The following NCK1 variants were observed in gnomAD, a reference collection of about 807,000 sequenced individuals.
The protein encoded by NCK1 is SH2/SH3 adapter protein NCK1.
A neutral mutation model predicts 36.6 loss-of-function variants in NCK1; 19 were observed. The observed-to-expected ratio is 0.52, with a 90% CI of 0.36 to 0.76. The LOEUF (loss-of-function observed/expected upper bound fraction) is 0.76. NCK1 is among the 30% of genes least tolerant of loss of function. The pLI is 0.00. For missense variants in NCK1, 358 were observed against 445.6 expected (o/e 0.80, Z 1.77); for synonymous variants, 165 against 156.0 (o/e 1.06, Z -0.43).
At chr3:136,915,616 A>G (rs1373368777) in intron 1 of NCK1, among the ~76,000 whole-genome samples, 1 of 152,178 alleles carries the variant, frequency 6.6e-6, no homozygotes, top group African/African-American at 2.4e-5. Context: ...GAGACTGGGT[A>G]ATTTATAAAG....
chr3:136,864,017 C>T (rs1319000850), intron 1 of NCK1, among the ~76,000 whole-genome samples: 1 of 151,974 alleles, frequency 6.6e-6, no homozygotes, highest in Non-Finnish European at 1.5e-5. Context: ...AGGAGAATGG[C>T]GTGAACCCGG....
intron 2 of NCK1, chr3:136,930,707 C>T: frequency 1.2e-6 from 1 of 859,646 alleles, no homozygotes; most frequent in Non-Finnish European, 1.6e-6. Context: ...TAAGCTACTA[C>T]ATTATGTGTA....
chr3:136,884,807 G>A (rs367731700), intron 1 of NCK1, among the ~76,000 whole-genome samples: 7 of 150,616 alleles, frequency 4.6e-5, no homozygotes, highest in Non-Finnish European at 8.8e-5. Flanking sequence ...TGCAACCTCT[G>A]CCTCTTGAGT....
chr3:136,933,191 G>C (rs1287919748), intron 2 of NCK1, among the ~76,000 whole-genome samples: 1 of 152,190 alleles, frequency 6.6e-6, no homozygotes, highest in Non-Finnish European at 1.5e-5. Context: ...ACATTGATTC[G>C]AGTCTGAGAG....
chr3:136,925,713 C>T (rs908917889), intron 1 of NCK1, among the ~76,000 whole-genome samples: 2 of 152,048 alleles, frequency 1.3e-5, no homozygotes, highest in Admixed American at 1.3e-4. Flanking sequence ...TTGGTATGAA[C>T]GTACCAGTTT....
intron 1 of NCK1, among the ~76,000 whole-genome samples, chr3:136,894,477 G>A (rs755613442): frequency 3.9e-5 from 6 of 152,118 alleles, no homozygotes; most frequent in Non-Finnish European, 8.8e-5. Flanking sequence ...TTTGTTAGCC[G>A]GACAGTTTCT....
intron 1 of NCK1, among the ~76,000 whole-genome samples, chr3:136,923,500 AGCCAGG>A (rs1413919519): frequency 6.6e-6 from 1 of 152,028 alleles, no homozygotes; most frequent in African/African-American, 2.4e-5. Flanking sequence ...GGTTGCAGTG[AGCCAGG>A]GTCGCTCCAC....
chr3:136,937,023 A>T (rs1234046452), intron 2 of NCK1, among the ~76,000 whole-genome samples: 1 of 152,160 alleles, frequency 6.6e-6, no homozygotes, highest in East Asian at 1.9e-4. Context: ...TTTTAGTGTC[A>T]GTATCTAAGA....
intron 2 of NCK1, among the ~76,000 whole-genome samples, chr3:136,936,121 A>G (rs1178338467): frequency 6.6e-6 from 1 of 150,482 alleles, no homozygotes; most frequent in Non-Finnish European, 1.5e-5. Context: ...GCTCACTGCA[A>G]CCTCTGCCTC....
chr3:136,893,871 T>C (rs1164725923), intron 1 of NCK1, among the ~76,000 whole-genome samples: 1 of 152,192 alleles, frequency 6.6e-6, no homozygotes, highest in Non-Finnish European at 1.5e-5. Context: ...CTACCTATTC[T>C]AGATTTCCTT....
At chr3:136,916,706 A>G (rs1396130079) in intron 1 of NCK1, among the ~76,000 whole-genome samples, 1 of 152,250 alleles carries the variant, frequency 6.6e-6, no homozygotes, top group Non-Finnish European at 1.5e-5. Context: ...GGTAAGGATC[A>G]GAATGAGGGT....
At chr3:136,943,824 G>C (rs747576826) in intron 2 of NCK1, among the ~76,000 whole-genome samples, 30 of 152,132 alleles carry the variant, frequency 2.0e-4, no homozygotes, top group Non-Finnish European at 3.8e-4. Context: ...AGGTAAACAA[G>C]AATATGTAAA....
chr3:136,900,797 A>C (rs1369805245), intron 1 of NCK1, among the ~76,000 whole-genome samples: 1 of 152,150 alleles, frequency 6.6e-6, no homozygotes, highest in Non-Finnish European at 1.5e-5. Flanking sequence ...TATTTAGCAG[A>C]ACTAAGTTTT....
At position 136,870,028 on chromosome 3, in the gene NCK1, G is replaced by GTT. The variant is rs749807329; in HGVS notation, c.-19+7696_-19+7697dup. On this transcript the variant is annotated intron_variant, in intron 1 of 3. Coordinates refer to ENST00000481752, the MANE Select transcript of NCK1 (RefSeq NM_001291999.2). Reference sequence around the variant, plus strand: ...TTAAAAGAATGGATGTTTCTCAAAAGTTTTTTTTTTTTTTTTTTTTTTAAA... The same window carrying GTT: ...TTAAAAGAATGGATGTTTCTCAAAAGTTTTTTTTTTTTTTTTTTTTTTTTAAA... Among the ~76,000 whole-genome samples, 196 of 96,750 alleles carry GTT rather than the reference G, an allele frequency of 2.0e-3. 1 individual carries two copies. The highest frequency in any genetic ancestry group is 5.6e-3 in the South Asian group (15 of 2,696). 63.5% of individuals were successfully genotyped at this position (96,750 alleles called of 152,430 possible). A position where few individuals can be genotyped will look rare whatever the true frequency, so the allele number is the denominator to read the frequency against.
intron 2 of NCK1, among the ~76,000 whole-genome samples, chr3:136,932,148 T>C (rs1179636737): frequency 6.6e-6 from 1 of 151,880 alleles, no homozygotes; most frequent in Non-Finnish European, 1.5e-5. Context: ...GAATCCATTG[T>C]ATCATTGATA....
intron 1 of NCK1, among the ~76,000 whole-genome samples, chr3:136,915,172 C>G (rs1305672896): frequency 6.6e-6 from 1 of 152,104 alleles, no homozygotes; most frequent in African/African-American, 2.4e-5. Flanking sequence ...TAATACGTAC[C>G]TTAAGGAGGC....
At chr3:136,882,304 A>G (rs986656760) in intron 1 of NCK1, among the ~76,000 whole-genome samples, 1 of 151,974 alleles carries the variant, frequency 6.6e-6, no homozygotes, top group Admixed American at 6.6e-5. Flanking sequence ...CTTGTTGGCT[A>G]TTTGTATATA....
At chr3:136,918,244 G>A (rs1226331332) in intron 1 of NCK1, among the ~76,000 whole-genome samples, 1 of 151,662 alleles carries the variant, frequency 6.6e-6, no homozygotes, top group East Asian at 1.9e-4. Flanking sequence ...TTATCTCTTA[G>A]TTCATTTCTA....
chr3:136,893,016 T>C (rs1187240992), intron 1 of NCK1, among the ~76,000 whole-genome samples: 4 of 150,972 alleles, frequency 2.6e-5, no homozygotes, highest in African/African-American at 4.9e-5. Flanking sequence ...CTCCCACTTA[T>C]GAATGGAGAA....
Sources: allele counts gnomAD v4.1 joint callset (sites outside exome capture counted in the v4.1 genomes callset), GRCh38; gene constraint gnomAD v4.1.1; transcripts MANE v1.5; gene names NCBI Gene and HGNC (gene_info 2026-07-23, HGNC 2026-07-21).